Variants in CRYL1 observed in about 807,000 individuals in gnomAD.
The protein encoded by CRYL1 is crystallin lambda 1, also known as lambda-crystallin homolog.
A neutral mutation model predicts 36.6 loss-of-function variants in CRYL1; 29 were observed. The ratio of observed to expected loss-of-function variants is 0.79; its 90% CI spans 0.59 to 1.08. The LOEUF (loss-of-function observed/expected upper bound fraction) is 1.08, where lower values mean the gene tolerates loss of function less well. Ranked by LOEUF, CRYL1 falls within the 50% of genes least tolerant of loss-of-function variation. The probability of loss-of-function intolerance (pLI) is 0.00; values close to 1 mark genes in which losing one functional copy is unlikely to be tolerated. For synonymous variants in CRYL1, 152 were observed against 151.5 expected (o/e 1.00, Z -0.02); for missense variants, 411 against 407.9 (o/e 1.01, Z -0.06).
intron 2 of CRYL1, among the ~76,000 whole-genome samples, chr13:20,500,220 A>C (rs2033679964): frequency 6.6e-6 from 1 of 152,210 alleles, no homozygotes; most frequent in African/African-American, 2.4e-5. Context: ...CAGAGTCTGA[A>C]GAATTTTTTT....
intron 2 of CRYL1, among the ~76,000 whole-genome samples, chr13:20,506,902 C>T (rs2033803350): frequency 6.6e-6 from 1 of 152,166 alleles, no homozygotes; most frequent in African/African-American, 2.4e-5. Flanking sequence ...TGAATTGTAG[C>T]TCCCATAATT....
At position 20,403,891 on chromosome 13, in the gene CRYL1, G is replaced by C; in HGVS notation, c.*238C>G. The C allele has an allele frequency of 2.7e-6, 1 of 371,642 alleles. No homozygotes were observed. Among genetic ancestry groups the C allele is most frequent in the Non-Finnish European group, 4.8e-6 (1 of 208,054 alleles). The allele number at this position is 371,642 out of a possible 1,614,324, so 23.0% of individuals were successfully genotyped here. On this transcript the variant is annotated 3_prime_UTR_variant, in exon 8 of 8. Coordinates refer to ENST00000298248, the MANE Select transcript of CRYL1 (RefSeq NM_015974.3). ...GAAAATCTCCAGGTTATCTGCCCAG[G>C]TGGCAGGAAATCGACAGCCCCGAGA...
chr13:20,420,397 G>T (rs765126700), intron 5 of CRYL1, among the ~76,000 whole-genome samples: 17 of 151,946 alleles, frequency 1.1e-4, no homozygotes, highest in Non-Finnish European at 2.1e-4. Flanking sequence ...TTACTCTCCC[G>T]CAGGCTGAGC....
intron 5 of CRYL1, among the ~76,000 whole-genome samples, chr13:20,423,770 CTT>C (rs1158080893): frequency 4.0e-5 from 4 of 100,134 alleles, no homozygotes; most frequent in Non-Finnish European, 6.0e-5. Context: ...GGTGTGGGTT[CTT>C]TTTTTTTTTT....
chr13:20,438,491 C>T (rs1265974577), intron 4 of CRYL1, among the ~76,000 whole-genome samples: 1 of 152,198 alleles, frequency 6.6e-6, no homozygotes, highest in Admixed American at 6.5e-5. Context: ...GTAACCCTCA[C>T]GATTCTCCAG....
intron 3 of CRYL1, among the ~76,000 whole-genome samples, chr13:20,460,192 A>T (rs9509228): frequency 1.3e-5 from 2 of 151,474 alleles, no homozygotes; most frequent in East Asian, 3.9e-4. Context: ...GTTGTTTCCT[A>T]TTTTTTGTTA....
chr13:20,500,771 T>C (rs905269657), intron 2 of CRYL1, among the ~76,000 whole-genome samples: 1 of 152,198 alleles, frequency 6.6e-6, no homozygotes, highest in African/African-American at 2.4e-5. Context: ...AGATGCCCCA[T>C]GGTTGAGGAA....
intron 3 of CRYL1, among the ~76,000 whole-genome samples, chr13:20,467,174 C>A (rs999295961): frequency 5.3e-5 from 8 of 151,926 alleles, no homozygotes; most frequent in African/African-American, 1.9e-4. Flanking sequence ...GTCTCACTCT[C>A]CTGACCTCAT....
At chr13:20,413,251 T>C in intron 6 of CRYL1, 31 bp downstream of exon 6, 1 of 1,438,956 alleles carries the variant, frequency 6.9e-7, no homozygotes. Context: ...CTAAATAGAA[T>C]GGAATTCCCA....
intron 1 of CRYL1, among the ~76,000 whole-genome samples, chr13:20,520,097 G>A (rs2034068050): frequency 6.6e-6 from 1 of 152,142 alleles, no homozygotes; most frequent in Non-Finnish European, 1.5e-5. Context: ...AAGTTGAGGG[G>A]GTGGGGGAAG....
intron 6 of CRYL1, among the ~76,000 whole-genome samples, chr13:20,411,421 G>T (rs1370960117): frequency 6.6e-6 from 1 of 152,052 alleles, no homozygotes; most frequent in Non-Finnish European, 1.5e-5. Context: ...GAAAGTCAAA[G>T]CTGTTCTCAG....
chr13:20,456,740 G>A (rs1355547272), intron 3 of CRYL1, among the ~76,000 whole-genome samples: 1 of 151,728 alleles, frequency 6.6e-6, no homozygotes, highest in Non-Finnish European at 1.5e-5. Context: ...CTATGCTCCT[G>A]TTACACGACC....
chr13:20,514,837 G>A (rs1487425749), intron 1 of CRYL1, among the ~76,000 whole-genome samples: 1 of 151,880 alleles, frequency 6.6e-6, no homozygotes, highest in African/African-American at 2.4e-5. Context: ...AAAAAATAAA[G>A]GTTTTTTTTA....
intron 3 of CRYL1, among the ~76,000 whole-genome samples, chr13:20,463,103 C>T (rs1008695891): frequency 4.6e-5 from 7 of 152,204 alleles, no homozygotes; most frequent in African/African-American, 1.2e-4. Context: ...TCAGTGTGGA[C>T]GCCTGCTGGC....
intron 2 of CRYL1, among the ~76,000 whole-genome samples, chr13:20,498,881 A>G (rs1298646467): frequency 6.6e-6 from 1 of 152,016 alleles, no homozygotes; most frequent in African/African-American, 2.4e-5. Flanking sequence ...GTGACTTCTG[A>G]TCCTATTTTG....
At chr13:20,438,611 C>A (rs1003979295) in intron 4 of CRYL1, among the ~76,000 whole-genome samples, 1 of 152,210 alleles carries the variant, frequency 6.6e-6, no homozygotes, top group Non-Finnish European at 1.5e-5. Context: ...GTTCTTGGCC[C>A]AGGGTCTTTG....
chr13:20,513,963 C>T (rs2137512512), intron 1 of CRYL1, among the ~76,000 whole-genome samples: 1 of 150,342 alleles, frequency 6.7e-6, no homozygotes, highest in East Asian at 1.9e-4. Context: ...GGATAGGGGC[C>T]CGATATAGGA....
At chr13:20,460,572 C>G (rs1397412579) in intron 3 of CRYL1, among the ~76,000 whole-genome samples, 2 of 118,388 alleles carry the variant, frequency 1.7e-5, no homozygotes, top group African/African-American at 3.3e-5. Context: ...GTCGCCCAGG[C>G]TGGAGTGCAG....
At chr13:20,422,088 G>A (rs750276248) in intron 5 of CRYL1, among the ~76,000 whole-genome samples, 4 of 152,114 alleles carry the variant, frequency 2.6e-5, no homozygotes, top group Non-Finnish European at 5.9e-5. Context: ...GCCAGGCGCG[G>A]TGGCTCACAC....
Sources: gnomAD v4.1 joint callset for allele counts (sites outside exome capture counted in the v4.1 genomes callset) on GRCh38, gnomAD v4.1.1 for gene constraint, MANE v1.5 for transcripts, NCBI Gene and HGNC (gene_info 2026-07-23, HGNC 2026-07-21) for gene names.